FAM184A: variants seen among roughly 807,000 people sequenced by gnomAD.
FAM184A encodes the protein protein FAM184A.
In FAM184A, 99 loss-of-function variants were observed where a neutral mutation model predicts 143.8. The observed-to-expected ratio is 0.69, with a 90% confidence interval of 0.58 to 0.81. The LOEUF (loss-of-function observed/expected upper bound fraction) is 0.81, where lower values mean the gene tolerates loss of function less well. Ranked by LOEUF, FAM184A falls within the 40% of genes least tolerant of loss-of-function variation. FAM184A has a pLI of 0.00. For synonymous variants in FAM184A, 427 were observed against 446.4 expected, an observed-to-expected ratio of 0.96 and a Z score of 0.55; for missense variants, 1,217 against 1,310.5, an observed-to-expected ratio of 0.93 and a Z score of 1.10.
chr6:118,987,805 T>C (rs1784239205), intron 9 of FAM184A, among the ~76,000 whole-genome samples: 1 of 152,176 alleles, frequency 6.6e-6, no homozygotes, highest in Non-Finnish European at 1.5e-5. Context: ...TCTTTCAAAG[T>C]AAACATAAAA....
upstream of FAM184A, among the ~76,000 whole-genome samples, chr6:119,082,740 A>G (rs1441015150): frequency 2.0e-5 from 3 of 152,168 alleles, no homozygotes; most frequent in Non-Finnish European, 2.9e-5. Flanking sequence ...TGCAGCCCCC[A>G]TGGCTGCTTT....
intron 9 of FAM184A, among the ~76,000 whole-genome samples, chr6:118,997,888 A>T (rs1030093374): frequency 4.6e-5 from 7 of 152,184 alleles, no homozygotes; most frequent in Non-Finnish European, 1.0e-4. Context: ...ACTTACTATC[A>T]TATTGGATAG....
rs143509569 is a variant in FAM184A, at chr6:119,015,194, G to A, written c.1530+1553C>T. 5.6e-3 allele frequency among the ~76,000 whole-genome samples: 857 copies of A among 152,286 alleles called. 7 individuals are homozygous for A. The highest frequency in any genetic ancestry group is 0.02 in the Middle Eastern group (6 of 294). The stretch of plus-strand genomic sequence containing the variant: ...CTCAGAGCCCTCGCTTGCTCTCGGC[G>A]CCTCCTCTGCCTGGGTTCCCACTCT... On this transcript the variant is annotated intron_variant, in intron 5 of 17. Transcript: ENST00000338891.
At chr6:119,100,449 A>G (rs1250176059) in intron 1 of FAM184A, among the ~76,000 whole-genome samples, 1 of 152,144 alleles carries the variant, frequency 6.6e-6, no homozygotes, top group East Asian at 1.9e-4. Context: ...TTTGCTCCCC[A>G]GGAAATTAAC....
chr6:119,134,081 G>A (rs554321863), intron 1 of FAM184A, among the ~76,000 whole-genome samples: 2 of 152,120 alleles, frequency 1.3e-5, no homozygotes, highest in East Asian at 1.9e-4. Flanking sequence ...ATCAAAAGAC[G>A]TAATAATGAG....
Position 118,974,484 on chromosome 6 carries a change from T to C in FAM184A, c.2859A>G (p.Ala953=), listed in dbSNP as rs1384898079. Residue 953 remains alanine (A), a synonymous_variant, in exon 14 of 18, where the codon GCA becomes GCG. Transcript: ENST00000338891. ...GTAGCTCGTTAGTCTTATTAAAATCTGCCCGCATGATATTTTTCTCTCTGA... is the reference window on the plus strand; with the variant it reads ...GTAGCTCGTTAGTCTTATTAAAATCCGCCCGCATGATATTTTTCTCTCTGA... The part of the protein sequence containing the change: ...DHLREKNIMR[A]DFNKTNELLK... The C allele has an allele frequency of 6.2e-7, 1 of 1,613,038 alleles. No individual in the cohort carries two copies. The highest frequency in any genetic ancestry group is 8.5e-7 in the Non-Finnish European group (1 of 1,179,360).
At chr6:119,127,781 A>C (rs962535819) in intron 1 of FAM184A, among the ~76,000 whole-genome samples, 1 of 152,204 alleles carries the variant, frequency 6.6e-6, no homozygotes, top group African/African-American at 2.4e-5. Context: ...GAAGGGAGGC[A>C]TGAGTATGTG....
intron 16 of FAM184A, chr6:118,963,916 A>G (rs1342368397): frequency 6.6e-6 from 1 of 152,270 alleles, no homozygotes; most frequent in African/African-American, 2.4e-5. Flanking sequence ...GATTGGAGCC[A>G]TGGGAAGCTA....
At chr6:118,967,749 A>G (rs1783545863) in intron 14 of FAM184A, among the ~76,000 whole-genome samples, 1 of 152,216 alleles carries the variant, frequency 6.6e-6, no homozygotes, top group Non-Finnish European at 1.5e-5. Flanking sequence ...AGAAAATGCA[A>G]ATACTTAGAA....
At chr6:118,976,178 A>G (rs930425012) in intron 11 of FAM184A, 134 bp from the exon 12 acceptor site, 3 of 790,546 alleles carry the variant, frequency 3.8e-6, no homozygotes, top group Non-Finnish European at 6.0e-6. Context: ...AATAGATTAT[A>G]AACTATGACA....
intron 5 of FAM184A, among the ~76,000 whole-genome samples, chr6:119,012,881 T>G (rs1785129658): frequency 6.6e-6 from 1 of 152,196 alleles, no homozygotes; most frequent in African/African-American, 2.4e-5. Flanking sequence ...TCTCTGTATA[T>G]TCACTCTCAG....
chr6:119,129,375 A>G (rs1222615608), intron 1 of FAM184A, among the ~76,000 whole-genome samples: 1 of 152,208 alleles, frequency 6.6e-6, no homozygotes, highest in Admixed American at 6.5e-5. Context: ...GGCGCCTTAC[A>G]GCAAAACCAT....
intron 1 of FAM184A, among the ~76,000 whole-genome samples, chr6:119,027,015 G>A (rs979769607): frequency 6.6e-6 from 1 of 152,014 alleles, no homozygotes; most frequent in Non-Finnish European, 1.5e-5. Flanking sequence ...TCATCTACAT[G>A]ACAAGAACCT....
intron 1 of FAM184A, among the ~76,000 whole-genome samples, chr6:119,061,531 CTTTTTTTTTT>C (rs977029986): frequency 1.0e-4 from 6 of 58,556 alleles, no homozygotes; most frequent in Admixed American, 2.0e-4. Context: ...AATTATTTTT[CTTTTTTTTTT>C]TTTTTTTTTT....
intron 1 of FAM184A, among the ~76,000 whole-genome samples, chr6:119,119,506 T>C (rs1789153473): frequency 1.3e-5 from 2 of 152,256 alleles, no homozygotes; most frequent in Admixed American, 1.3e-4. Flanking sequence ...AAAGAACCCA[T>C]GTGAAATCGG....
At chr6:118,974,310 A>C (rs1783780827) in intron 14 of FAM184A, 118 bp downstream of exon 14, 15 of 915,880 alleles carry the variant, frequency 1.6e-5, no homozygotes, top group Admixed American at 8.3e-5. Flanking sequence ...ACAGCACTAA[A>C]ATTTTCTTTT....
At chr6:119,033,245 C>G (rs1785958125) in intron 1 of FAM184A, among the ~76,000 whole-genome samples, 2 of 152,174 alleles carry the variant, frequency 1.3e-5, no homozygotes, top group Non-Finnish European at 2.9e-5. Flanking sequence ...GTTTTTAAAA[C>G]TGGCTTGCTT....
chr6:119,084,076 GGAGAGAGAGAGAGAGA>G (rs1788146419), intron 1 of FAM184A, among the ~76,000 whole-genome samples: 1 of 151,200 alleles, frequency 6.6e-6, no homozygotes, highest in South Asian at 2.1e-4. Context: ...CATTGTGGCA[GGAGAGAGAGAGAGAGA>G]AAGAGAGAGA....
chr6:119,105,390 T>C (rs930475206), intron 1 of FAM184A, among the ~76,000 whole-genome samples: 9 of 152,168 alleles, frequency 5.9e-5, no homozygotes, highest in African/African-American at 2.2e-4. Flanking sequence ...TGAGTTCTCC[T>C]GAGATCTGAT....
Sources: allele counts gnomAD v4.1 joint callset (sites outside exome capture counted in the v4.1 genomes callset), GRCh38; gene constraint gnomAD v4.1.1; transcripts MANE v1.5; gene names NCBI Gene and HGNC (gene_info 2026-07-23, HGNC 2026-07-21).